The following DIAPH3 variants were observed in gnomAD, a reference collection of about 807,000 sequenced individuals.
The protein encoded by DIAPH3 is protein diaphanous homolog 3.
In DIAPH3, 117 loss-of-function variants were observed where a neutral mutation model predicts 144.3. That is an observed-to-expected ratio of 0.81 (90% CI 0.70 to 0.95). The LOEUF (loss-of-function observed/expected upper bound fraction) is 0.95. DIAPH3 is among the 40% of genes least tolerant of loss of function. The pLI is 0.00. For missense variants in DIAPH3, 1,421 were observed against 1,412.7 expected, an observed-to-expected ratio of 1.01 and a Z score of -0.09; for synonymous variants, 519 against 488.9, an observed-to-expected ratio of 1.06 and a Z score of -0.81.
In DIAPH3 at chr13:60,110,008, T is replaced by C. The variant is rs529250009; in HGVS notation, c.390+2002A>G. 5.0e-4 allele frequency among the ~76,000 whole-genome samples: 76 copies of C among 152,272 alleles called. 2 individuals carry two copies. In the South Asian group the frequency reaches 0.015, roughly 30 times the overall value. On this transcript the variant is annotated intron_variant, in intron 3 of 27. Coordinates refer to ENST00000400324, the MANE Select transcript of DIAPH3 (RefSeq NM_001042517.2). ...CACTTTTAAGAATGCACACAGAAAC[T>C]AGACTATTACCCAGAGACCAAGTAA...
chr13:59,940,574 C>A (rs2048477916), intron 17 of DIAPH3, among the ~76,000 whole-genome samples: 1 of 152,128 alleles, frequency 6.6e-6, no homozygotes. Context: ...TATTTTACTT[C>A]ATGTTGGAAA....
chr13:60,084,075 T>G (rs2057671107), intron 4 of DIAPH3, among the ~76,000 whole-genome samples: 1 of 151,764 alleles, frequency 6.6e-6, no homozygotes, highest in Admixed American at 6.6e-5. Context: ...GAATAAACTA[T>G]AGTCCGCAGA....
chr13:59,798,866 T>A (rs1158940077), intron 25 of DIAPH3, among the ~76,000 whole-genome samples: 2 of 151,834 alleles, frequency 1.3e-5, no homozygotes, highest in African/African-American at 2.4e-5. Flanking sequence ...TTACAGAGAG[T>A]TGAGTCCAAG....
chr13:59,911,822 A>T lies in DIAPH3; in HGVS notation c.2280T>A (p.His760Gln). The T allele has an allele frequency of 6.2e-7, 1 of 1,611,586 alleles. No homozygotes were observed. The highest frequency in any genetic ancestry group is 8.5e-7 in the Non-Finnish European group (1 of 1,177,846). ...AESMIQNLIK[H>Q]LPDQEQLNSL... Reference sequence around the variant, plus strand: ...AATTTAATTGCTCTTGATCAGGAAGATGCTTTATTAAGTTCTAAAAATTAA... The same window carrying T: ...AATTTAATTGCTCTTGATCAGGAAGTTGCTTTATTAAGTTCTAAAAATTAA... The change falls in exon 20 of 28, where the codon CAT (histidine) becomes CAA (glutamine). Residue 760 changes from histidine to glutamine, a missense_variant. Physicochemically the swap from His to Gln is conservative, Grantham distance 24. Coordinates refer to ENST00000400324, the MANE Select transcript of DIAPH3 (RefSeq NM_001042517.2).
chr13:60,141,997 T>G (rs2059434759), intron 1 of DIAPH3, among the ~76,000 whole-genome samples: 1 of 152,168 alleles, frequency 6.6e-6, no homozygotes, highest in Non-Finnish European at 1.5e-5. Flanking sequence ...ATAACAAGGC[T>G]GTCAGGAGGA....
chr13:59,736,006 C>A (rs549946137), intron 27 of DIAPH3, among the ~76,000 whole-genome samples: 13 of 152,224 alleles, frequency 8.5e-5, no homozygotes, highest in East Asian at 3.9e-4. Flanking sequence ...GTGTTATCAT[C>A]ATTTAGCTCC....
At chr13:59,777,261 C>T (rs1232636960) in intron 25 of DIAPH3, among the ~76,000 whole-genome samples, 1 of 151,990 alleles carries the variant, frequency 6.6e-6, no homozygotes, top group Non-Finnish European at 1.5e-5. Flanking sequence ...TTGCCTTGGC[C>T]AAATTTAGGA....
chr13:60,059,753 G>C (rs2056694806), intron 4 of DIAPH3, among the ~76,000 whole-genome samples: 1 of 151,976 alleles, frequency 6.6e-6, no homozygotes, highest in Non-Finnish European at 1.5e-5. Context: ...CTATTTGATG[G>C]TTCATTGAAG....
chr13:60,067,996 T>C (rs953782598), intron 4 of DIAPH3, among the ~76,000 whole-genome samples: 1 of 152,190 alleles, frequency 6.6e-6, no homozygotes, highest in Non-Finnish European at 1.5e-5. Flanking sequence ...TTCTGCAGAT[T>C]TGCTTTTCTC....
intron 14 of DIAPH3, among the ~76,000 whole-genome samples, chr13:59,980,520 A>G (rs1011923690): frequency 2.0e-5 from 3 of 151,638 alleles, no homozygotes; most frequent in Non-Finnish European, 3.0e-5. Context: ...GAAATAGATA[A>G]GTCATTCACA....
chr13:59,796,479 T>C (rs972905763), intron 25 of DIAPH3, among the ~76,000 whole-genome samples: 2 of 152,218 alleles, frequency 1.3e-5, no homozygotes, highest in African/African-American at 4.8e-5. Context: ...CAACCATTTC[T>C]ATAGTAAGAC....
At chr13:60,114,189 A>AT (rs111992300) in intron 2 of DIAPH3, among the ~76,000 whole-genome samples, 58,197 of 148,000 alleles carry the variant, frequency 0.39, 11,833 homozygotes, top group Admixed American at 0.51. Flanking sequence ...TAAAATGGGC[A>AT]TTTTTTTTTT....
At chr13:60,071,964 C>A (rs2057224163) in intron 4 of DIAPH3, among the ~76,000 whole-genome samples, 1 of 152,122 alleles carries the variant, frequency 6.6e-6, no homozygotes, top group East Asian at 1.9e-4. Flanking sequence ...ATTCTGCTTC[C>A]CATCAGGCTA....
intron 27 of DIAPH3, among the ~76,000 whole-genome samples, chr13:59,678,038 A>C (rs2032738119): frequency 6.6e-6 from 1 of 152,168 alleles, no homozygotes; most frequent in African/African-American, 2.4e-5. Context: ...TGTTTTAGTA[A>C]ATCCATGAAA....
rs565381034 is a variant in DIAPH3, at chr13:59,719,137, C to T, written c.3320-52291G>A. ...CAGTAGGCTGCTCTTTTTCTTCTGA[C>T]ATACCATATAAAGCCTTCCTTCCAG... is the stretch of plus-strand genomic sequence containing the variant. On this transcript the variant is annotated intron_variant, in intron 27 of 27. Transcript: ENST00000400324. 2.0e-4 allele frequency among the ~76,000 whole-genome samples: 31 copies of T among 152,246 alleles called. No individual in the cohort carries two copies. The South Asian group carries it at 6.0e-3, about 30-fold the overall frequency.
At chr13:60,119,156 G>C (rs1594716475) in intron 2 of DIAPH3, among the ~76,000 whole-genome samples, 1 of 152,176 alleles carries the variant, frequency 6.6e-6, no homozygotes, top group Admixed American at 6.5e-5. Flanking sequence ...GATCATAAAA[G>C]ATTTTACAGC....
intron 20 of DIAPH3, among the ~76,000 whole-genome samples, chr13:59,885,555 T>C (rs755311749): frequency 2.6e-5 from 4 of 151,792 alleles, no homozygotes; most frequent in Non-Finnish European, 5.9e-5. Context: ...TACCAAAATT[T>C]GTGTATCTAC....
intron 17 of DIAPH3, among the ~76,000 whole-genome samples, chr13:59,949,672 T>C (rs1007657751): frequency 2.6e-5 from 4 of 152,196 alleles, no homozygotes; most frequent in African/African-American, 4.8e-5. Flanking sequence ...AGAGACCATA[T>C]GACCTACAAA....
At chr13:59,747,098 G>T (rs1470147081) in intron 27 of DIAPH3, among the ~76,000 whole-genome samples, 2 of 152,114 alleles carry the variant, frequency 1.3e-5, no homozygotes, top group African/African-American at 4.8e-5. Flanking sequence ...AAGCTGCAAA[G>T]AAGTCATATT....
Sources: gnomAD v4.1 joint callset for allele counts (sites outside exome capture counted in the v4.1 genomes callset) on GRCh38, gnomAD v4.1.1 for gene constraint, MANE v1.5 for transcripts, NCBI Gene and HGNC (gene_info 2026-07-23, HGNC 2026-07-21) for gene names.